PRKD2: variants seen among roughly 807,000 people sequenced by gnomAD.
PRKD2 encodes the protein protein kinase D2.
In PRKD2, 22 loss-of-function variants were observed where a neutral mutation model predicts 86.0. The ratio of observed to expected loss-of-function variants is 0.26; its 90% CI spans 0.18 to 0.37. The LOEUF is 0.37. PRKD2 is among the 10% of genes least tolerant of loss of function. PRKD2 has a pLI of 1.00. For missense variants in PRKD2, 818 were observed against 1,199.2 expected (o/e 0.68, Z 4.70); for synonymous variants, 509 against 510.9 (o/e 1.00, Z 0.05).
chr19:46,703,131 C>T (rs1186113044), intron 5 of PRKD2, among the ~76,000 whole-genome samples: 2 of 152,170 alleles, frequency 1.3e-5, no homozygotes, highest in East Asian at 3.8e-4. Context: ...CCTCAAATCC[C>T]ATGGTTCCAA....
chr19:46,697,618 C>T (rs76308698), intron 8 of PRKD2, 115 bp downstream of exon 8: 37,095 of 927,826 alleles, frequency 0.04, 1,013 homozygotes, highest in Non-Finnish European at 0.049. Context: ...CAGCCCACTA[C>T]TGGCCCCGCT....
intron 9 of PRKD2, among the ~76,000 whole-genome samples, chr19:46,694,914 T>C (rs28550276): frequency 6.6e-6 from 1 of 151,514 alleles, no homozygotes; most frequent in Admixed American, 6.6e-5. Context: ...CTACAAAAAA[T>C]TTAAAAATTA....
intron 14 of PRKD2, 138 bp downstream of exon 14, chr19:46,689,399 C>A: frequency 4.7e-6 from 5 of 1,071,126 alleles, no homozygotes; most frequent in South Asian, 3.3e-5. Flanking sequence ...TGAGCCACTG[C>A]GCCCAGCCTG....
At chr19:46,703,279 A>G (rs1437056862) in intron 5 of PRKD2, among the ~76,000 whole-genome samples, 7 of 152,214 alleles carry the variant, frequency 4.6e-5, no homozygotes, top group Non-Finnish European at 7.3e-5. Context: ...CAGGTTCTAC[A>G]GTTTTAGAAT....
chr19:46,699,039 C>CT (rs1185468013), intron 7 of PRKD2, among the ~76,000 whole-genome samples: 2 of 152,254 alleles, frequency 1.3e-5, no homozygotes, highest in East Asian at 3.9e-4. Flanking sequence ...AGGAAACACT[C>CT]TGTCGTCACT....
chr19:46,698,879 G>A (rs2053597526), intron 7 of PRKD2, among the ~76,000 whole-genome samples: 1 of 152,090 alleles, frequency 6.6e-6, no homozygotes, highest in Non-Finnish European at 1.5e-5. Context: ...CCCCATCTGT[G>A]AAATGGGCTG....
rs2053647258 is a variant in PRKD2 at position 46,702,214 on chromosome 19, A to AT, written c.890-1103dup. On this transcript the variant is annotated intron_variant, in intron 5 of 17. Transcript: ENST00000291281. ...CTACCATGCCTGGCTAATTTTTCGT[A>AT]TTTTTTGTAGAGATGGGGTCTTTCC... 4.0e-5 allele frequency among the ~76,000 whole-genome samples: 6 copies of AT among 151,258 alleles called. 1 individual carries two copies. The South Asian group carries it at 1.3e-3, about 32-fold the overall frequency.
intron 9 of PRKD2, among the ~76,000 whole-genome samples, chr19:46,694,757 G>A (rs569717561): frequency 6.6e-5 from 10 of 152,130 alleles, no homozygotes; most frequent in East Asian, 1.9e-4. Flanking sequence ...TCACATGGGC[G>A]GTGCCTGGAC....
intron 3 of PRKD2, among the ~76,000 whole-genome samples, chr19:46,709,049 T>C (rs1020104080): frequency 1.4e-5 from 2 of 147,726 alleles, no homozygotes; most frequent in Non-Finnish European, 3.0e-5. Flanking sequence ...CGATCTCGGC[T>C]CACTGCAACC....
At position 46,714,266 on chromosome 19, in the gene PRKD2, G is replaced by A. The variant is rs1374279915; in HGVS notation, c.241-265C>T. 10 of 1,244,352 alleles carry A rather than the reference G, an allele frequency of 8.0e-6. No individual in the cohort carries two copies. The Middle Eastern group carries it at 1.3e-3, about 162-fold the overall frequency. 77.1% of individuals were successfully genotyped at this position (1,244,352 alleles called of 1,614,324 possible). A position where few individuals can be genotyped will look rare whatever the true frequency, so the allele number is the denominator to read the frequency against. On this transcript the variant is annotated intron_variant, in intron 1 of 17. Transcript: ENST00000291281. ...GGTGGGAGGGAGAGTGGCTCCGGGA[G>A]CGTGGACACCTCGAATTTTCCGGAA...
At chr19:46,706,157 G>A (rs936748571) in intron 3 of PRKD2, among the ~76,000 whole-genome samples, 1 of 152,146 alleles carries the variant, frequency 6.6e-6, no homozygotes, top group Non-Finnish European at 1.5e-5. Context: ...GAGCCACTGT[G>A]CCCTGCCTAT....
At chr19:46,694,225 T>C (rs2053525406) in intron 9 of PRKD2, 92 bp from the exon 10 acceptor site, 7 of 1,512,460 alleles carry the variant, frequency 4.6e-6, no homozygotes, top group South Asian at 2.5e-5. Flanking sequence ...TCCATGTTGA[T>C]AGGGATGGGC....
Position 46,716,463 on chromosome 19 carries a change from T to C in PRKD2, c.-93A>G. 3.2e-6 allele frequency: 2 copies of C among 634,602 alleles called. No individual in the cohort carries two copies. The highest frequency in any genetic ancestry group is 5.0e-6 in the Non-Finnish European group (2 of 396,288). The allele number at this position is 634,602 out of a possible 1,614,324, so 39.3% of individuals were successfully genotyped here. On this transcript the variant is annotated 5_prime_UTR_variant, in exon 1 of 18. Transcript: ENST00000291281. This position sits in a 1 kb window ranked among gnomAD's most constrained non-coding sequence, Gnocchi z 7.9. ...TGGGTTCTAGATCCGCGGGATCTCG[T>C]GAGCAGGTGGTGGGAGAGCGGGGAT... is the stretch of plus-strand genomic sequence containing the variant.
In PRKD2 at chr19:46,678,718, A is replaced by G; in HGVS notation, c.2071-55T>C. On this transcript the variant is annotated intron_variant, in intron 15 of 17. Transcript: ENST00000291281. The surrounding 1 kb of genome is among the most constrained non-coding windows in gnomAD (Gnocchi z 5.7). ...CAGGTGATGGAGCCGCACCCACCCC[A>G]GCATCCCCACCACACCACCCTCCAT... 6.5e-7 allele frequency: 1 copy of G among 1,549,650 alleles called. No individual in the cohort carries two copies. The highest frequency in any genetic ancestry group is 1.2e-5 in the South Asian group (1 of 85,254).
rs769772857 is a variant in PRKD2, at chr19:46,701,057, C to G, written c.945G>C (p.Leu315=). ...CACCTCCATTGATAAGGGCCTCCCC[C>G]AGGCAGTCATTAGGGACGCGGGTGG... The part of the protein sequence containing the change: ...RCATRVPNDC[L]GEALINGDVP... The change falls in exon 6 of 18, where the codon CTG becomes CTC. Residue 315 remains leucine (L), a synonymous_variant. Coordinates refer to ENST00000291281, the MANE Select transcript of PRKD2 (RefSeq NM_016457.5). 4.3e-6 allele frequency: 7 copies of G among 1,614,124 alleles called. No individual in the cohort carries two copies. The highest frequency in any genetic ancestry group is 5.9e-6 in the Non-Finnish European group (7 of 1,180,058).
Position 46,700,938 on chromosome 19 carries a change from C to T in PRKD2, c.982G>A (p.Glu328Lys). 6.2e-7 allele frequency: 1 copy of T among 1,614,240 alleles called. No homozygotes were observed. Among genetic ancestry groups the T allele is most frequent in the Non-Finnish European group, 8.5e-7 (1 of 1,180,032 alleles). The change falls in exon 7 of 18, where the codon GAG (glutamate) becomes AAG (lysine). Residue 328 changes from glutamate (E) to lysine (K), a missense_variant. Glu to Lys is a moderately conservative substitution (Grantham distance 56). Coordinates refer to ENST00000291281, the MANE Select transcript of PRKD2 (RefSeq NM_016457.5). ...ALINGDVPME[E>K]ATDFSEADKS... ...TCAGCCTCGCTGAAATCGGTGGCCT[C>T]CTCCATCGGCACATCTGTGGGGACG... is the stretch of plus-strand genomic sequence containing the variant.
In PRKD2 at chr19:46,716,330, G is replaced by T; in HGVS notation, c.41C>A (p.Ser14Tyr). The change falls in exon 1 of 18, where the codon TCT becomes TAT. Residue 14 changes from serine to tyrosine, a missense_variant. Coordinates refer to ENST00000291281, the MANE Select transcript of PRKD2 (RefSeq NM_016457.5). The surrounding 1 kb of genome is among the most constrained non-coding windows in gnomAD (Gnocchi z 7.9). ...GGGCGGAGGAGACCCCGGCCCGGGA[G>T]AGCCAGGGAGCCCGGCGGGATAAGA... Reference protein sequence around the residue: ...APSYPAGLPGSPGPGSPPPPG... With the variant: ...APSYPAGLPGYPGPGSPPPPG... The T allele has an allele frequency of 6.7e-7, 1 of 1,485,724 alleles. No homozygotes were observed. The highest frequency in any genetic ancestry group is 8.9e-7 in the Non-Finnish European group (1 of 1,120,888). The allele number at this position is 1,485,724 out of a possible 1,614,324, so 92.0% of individuals were successfully genotyped here.
intron 7 of PRKD2, 117 bp downstream of exon 7, chr19:46,700,682 G>A (rs2053622643): frequency 9.6e-6 from 13 of 1,351,434 alleles, no homozygotes; most frequent in Non-Finnish European, 1.3e-5. Flanking sequence ...TTTGCCTCAG[G>A]AACTGGGAAA....
intron 16 of PRKD2, among the ~76,000 whole-genome samples, chr19:46,676,389 C>T (rs1403310877): frequency 6.6e-6 from 1 of 152,202 alleles, no homozygotes; most frequent in Non-Finnish European, 1.5e-5. Context: ...CGTGCCACTG[C>T]ACTCCAGCCC....
Sources: allele counts gnomAD v4.1 joint callset (sites outside exome capture counted in the v4.1 genomes callset), GRCh38; gene constraint gnomAD v4.1.1; non-coding constraint Gnocchi (gnomAD v3.1); transcripts MANE v1.5; gene names NCBI Gene and HGNC (gene_info 2026-07-23, HGNC 2026-07-21).